Variants in CAB39 observed in about 807,000 individuals in gnomAD.
CAB39 encodes the protein calcium-binding protein 39.
Under a neutral mutation model 40.0 loss-of-function variants are expected in CAB39, and 8 were observed. The observed-to-expected ratio is 0.20, with a 90% CI of 0.12 to 0.36. The LOEUF (loss-of-function observed/expected upper bound fraction) is 0.36, where lower values mean the gene tolerates loss of function less well. CAB39 is among the 10% of genes least tolerant of loss of function. The probability of loss-of-function intolerance (pLI) is 1.00; values close to 1 mark genes in which losing one functional copy is unlikely to be tolerated. For missense variants in CAB39, 270 were observed against 401.1 expected (o/e 0.67, Z 2.79); for synonymous variants, 156 against 141.6 (o/e 1.10, Z -0.72).
chr2:230,771,495 G>T (rs1695482572), intron 2 of CAB39, among the ~76,000 whole-genome samples: 1 of 152,154 alleles, frequency 6.6e-6, no homozygotes, highest in Non-Finnish European at 1.5e-5. Context: ...CAAATAAGCA[G>T]GAGATACATG....
intron 2 of CAB39, among the ~76,000 whole-genome samples, chr2:230,768,268 T>A (rs1695421620): frequency 6.6e-6 from 1 of 152,196 alleles, no homozygotes; most frequent in Non-Finnish European, 1.5e-5. Flanking sequence ...GTTCTCTGGA[T>A]TCTGTGATGG....
At chr2:230,789,888 T>TTG (rs1559611783) in intron 2 of CAB39, among the ~76,000 whole-genome samples, 1 of 152,216 alleles carries the variant, frequency 6.6e-6, no homozygotes, top group East Asian at 1.9e-4. Flanking sequence ...CCCTCATTTG[T>TTG]TTCCTTCTCT....
chr2:230,782,085 C>T (rs1365324032), intron 2 of CAB39, among the ~76,000 whole-genome samples: 2 of 152,068 alleles, frequency 1.3e-5, no homozygotes, highest in South Asian at 2.1e-4. Flanking sequence ...AGGTTGGTCT[C>T]GAACTCCTGA....
chr2:230,730,626 TAG>T (rs1039678717), intron 1 of CAB39, among the ~76,000 whole-genome samples: 70 of 152,040 alleles, frequency 4.6e-4, no homozygotes, highest in African/African-American at 1.6e-3. Flanking sequence ...GTATTTTTAG[TAG>T]AGACAGGGTT....
At chr2:230,721,432 A>G (rs556919937) in intron 1 of CAB39, among the ~76,000 whole-genome samples, 2 of 152,336 alleles carry the variant, frequency 1.3e-5, no homozygotes, top group East Asian at 3.9e-4. Flanking sequence ...CTCCATCTCA[A>G]AAGAAAAAAG....
chr2:230,736,449 G>A (rs181534778), intron 1 of CAB39, among the ~76,000 whole-genome samples: 314 of 152,248 alleles, frequency 2.1e-3, no homozygotes, highest in African/African-American at 6.5e-3. Context: ...TGGAAAAAGT[G>A]GAGAGATGAA....
At chr2:230,741,092 C>A (rs144052335) in intron 1 of CAB39, among the ~76,000 whole-genome samples, 1 of 152,154 alleles carries the variant, frequency 6.6e-6, no homozygotes, top group South Asian at 2.1e-4. Flanking sequence ...ATAATTCAGG[C>A]GGTCCCCTGA....
In CAB39 at chr2:230,725,956, A is replaced by C. The variant is rs531845177; in HGVS notation, c.-44+12726A>C. 2.0e-5 allele frequency among the ~76,000 whole-genome samples: 3 copies of C among 152,352 alleles called. No homozygotes were observed. In the South Asian group the frequency reaches 6.2e-4, roughly 32 times the overall value. On this transcript the variant is annotated intron_variant, in intron 1 of 8. Transcript: ENST00000258418. ...AATACCTAGCTAAGTGTTGATTTCT[A>C]GAAGCTACATCCATTTATTTATTAA...
intron 1 of CAB39, among the ~76,000 whole-genome samples, chr2:230,739,339 A>T (rs902091040): frequency 6.6e-6 from 1 of 152,218 alleles, no homozygotes; most frequent in Non-Finnish European, 1.5e-5. Context: ...TGATAATTTA[A>T]CTCTTAATTT....
chr2:230,757,815 C>T (rs547514029), intron 1 of CAB39, among the ~76,000 whole-genome samples: 1 of 152,154 alleles, frequency 6.6e-6, no homozygotes, highest in South Asian at 2.1e-4. Flanking sequence ...GCTTCCCCCC[C>T]ACCCCCTGCC....
At chr2:230,807,225 C>A (rs1696212156) in intron 5 of CAB39, among the ~76,000 whole-genome samples, 1 of 152,052 alleles carries the variant, frequency 6.6e-6, no homozygotes, top group African/African-American at 2.4e-5. Flanking sequence ...CCCTCCCACC[C>A]ACACTCACCC....
intron 7 of CAB39, among the ~76,000 whole-genome samples, chr2:230,816,016 G>A (rs1382310948): frequency 6.6e-6 from 1 of 152,238 alleles, no homozygotes; most frequent in East Asian, 1.9e-4. Flanking sequence ...GCTCACGCCT[G>A]TAATCCCAGC....
chr2:230,796,059 A>G (rs557121394), intron 4 of CAB39, among the ~76,000 whole-genome samples: 12 of 152,212 alleles, frequency 7.9e-5, no homozygotes, highest in Admixed American at 2.0e-4. Flanking sequence ...TTTTGGCAAG[A>G]CCCCATCAGT....
chr2:230,812,184 G>C (rs1016197194), intron 6 of CAB39, among the ~76,000 whole-genome samples: 1 of 152,200 alleles, frequency 6.6e-6, no homozygotes, highest in East Asian at 1.9e-4. Flanking sequence ...AAGAAACGTA[G>C]CCTTTCCTAG....
intron 1 of CAB39, among the ~76,000 whole-genome samples, chr2:230,750,822 G>A (rs1161019292): frequency 6.6e-6 from 1 of 152,098 alleles, no homozygotes; most frequent in Non-Finnish European, 1.5e-5. Context: ...ATACCATATC[G>A]TGAAGTAGCT....
chr2:230,771,689 T>C (rs76999915), intron 2 of CAB39, among the ~76,000 whole-genome samples: 2,085 of 152,338 alleles, frequency 0.014, 46 homozygotes, highest in African/African-American at 0.046. Context: ...GGGCTCACAC[T>C]GTCTGATTTC....
chr2:230,724,465 TGAGGTCAG>T (rs1197684845), intron 1 of CAB39, among the ~76,000 whole-genome samples: 1 of 151,968 alleles, frequency 6.6e-6, no homozygotes, highest in African/African-American at 2.4e-5. Flanking sequence ...GCGGATCACC[TGAGGTCAG>T]GAGTTCGAGA....
At chr2:230,774,830 C>T (rs986181350) in intron 2 of CAB39, among the ~76,000 whole-genome samples, 1 of 151,934 alleles carries the variant, frequency 6.6e-6, no homozygotes, top group Non-Finnish European at 1.5e-5. Flanking sequence ...CATGATCATT[C>T]AGCTTAGACT....
chr2:230,791,642 A>T (rs1695894073), intron 3 of CAB39, among the ~76,000 whole-genome samples: 2 of 152,122 alleles, frequency 1.3e-5, no homozygotes, highest in Non-Finnish European at 2.9e-5. Context: ...CCCTTCAGCT[A>T]GAGCAGAGTA....
Sources: gnomAD v4.1 joint callset for allele counts (sites outside exome capture counted in the v4.1 genomes callset) on GRCh38, gnomAD v4.1.1 for gene constraint, MANE v1.5 for transcripts, NCBI Gene and HGNC (gene_info 2026-07-23, HGNC 2026-07-21) for gene names.